Variants in SNX14 observed in about 807,000 individuals in gnomAD.
SNX14 encodes the protein sorting nexin-14.
Under a neutral mutation model 133.8 loss-of-function variants are expected in SNX14, and 93 were observed. The ratio of observed to expected loss-of-function variants is 0.70; its 90% CI spans 0.59 to 0.83. The LOEUF (loss-of-function observed/expected upper bound fraction) is 0.83. SNX14 is among the 40% of genes least tolerant of loss of function. SNX14 has a pLI of 0.00. For synonymous variants in SNX14, 368 were observed against 365.6 expected, an observed-to-expected ratio of 1.01 and a Z score of -0.07; for missense variants, 945 against 1,094.9, an observed-to-expected ratio of 0.86 and a Z score of 1.93.
intron 7 of SNX14, among the ~76,000 whole-genome samples, chr6:85,553,967 G>A (rs1263549868): frequency 6.6e-6 from 1 of 152,040 alleles, no homozygotes; most frequent in Non-Finnish European, 1.5e-5. Flanking sequence ...TAAAATCCAA[G>A]GTGATAAGAA....
chr6:85,593,249 G>A (rs1399679195), intron 1 of SNX14, among the ~76,000 whole-genome samples: 3 of 152,194 alleles, frequency 2.0e-5, no homozygotes, highest in African/African-American at 4.8e-5. Flanking sequence ...TGACTTGACT[G>A]CCTGTGTACA....
At chr6:85,548,784 T>G (rs1186775161) in intron 8 of SNX14, among the ~76,000 whole-genome samples, 1 of 151,786 alleles carries the variant, frequency 6.6e-6, no homozygotes, top group Non-Finnish European at 1.5e-5. Context: ...CTGGCCAACA[T>G]GATGAAACCC....
intron 6 of SNX14, among the ~76,000 whole-genome samples, chr6:85,563,068 CTG>C (rs1177742109): frequency 2.0e-5 from 3 of 152,024 alleles, no homozygotes; most frequent in African/African-American, 7.2e-5. Context: ...TATTTATTTG[CTG>C]TGAGACAACA....
chr6:85,588,224 A>G (rs999059477), intron 1 of SNX14, among the ~76,000 whole-genome samples: 1 of 152,290 alleles, frequency 6.6e-6, no homozygotes, highest in Non-Finnish European at 1.5e-5. Flanking sequence ...TGGAGGTTGC[A>G]GTGAGCCAAG....
chr6:85,540,805 C>T lies in SNX14; in HGVS notation c.1448+1180G>A, dbSNP rs142632922. 1.2e-3 allele frequency among the ~76,000 whole-genome samples: 188 copies of T among 152,186 alleles called. 1 individual carries two copies. The highest frequency in any genetic ancestry group is 2.3e-3 in the Non-Finnish European group (154 of 68,008). On this transcript the variant is annotated intron_variant, in intron 15 of 28. Coordinates refer to ENST00000314673, the MANE Select transcript of SNX14 (RefSeq NM_153816.6). ...AACATTGCCCCATTTCTTGACTTAT[C>T]TACTTTTCTCTTTGTAGTACATATC...
At chr6:85,525,855 C>T (rs1332899379) in intron 21 of SNX14, among the ~76,000 whole-genome samples, 1 of 152,066 alleles carries the variant, frequency 6.6e-6, no homozygotes, top group Non-Finnish European at 1.5e-5. Context: ...ACCATCTCTA[C>T]TTTTCTTATA....
rs138856005 is a variant in SNX14 at position 85,506,126 on chromosome 6, T to C, written c.2803-121A>G. The C allele has an allele frequency of 1.3e-3, 893 of 672,654 alleles. 12 individuals are homozygous for C. The East Asian group carries it at 0.022, about 16-fold the overall frequency. The allele number at this position is 672,654 out of a possible 1,614,324, so 41.7% of individuals were successfully genotyped here. A position where few individuals can be genotyped will look rare whatever the true frequency, so the allele number is the denominator to read the frequency against. On this transcript the variant is annotated intron_variant, in intron 28 of 28. Transcript: ENST00000314673. ...CATATATATTGTAAACCAAAATAAA[T>C]TGGCTGGCATATGGAGTGAGAAATA...
Position 85,543,224 on chromosome 6 carries a change from A to G in SNX14, c.1347T>C (p.Leu449=), listed in dbSNP as rs187123794. 5.6e-6 allele frequency: 9 copies of G among 1,601,420 alleles called. No individual in the cohort carries two copies. The African/African-American group carries it at 6.7e-5, about 12-fold the overall frequency. The change falls in exon 14 of 29, where the codon CTT becomes CTC. Residue 449 remains leucine (L), a synonymous_variant. Transcript: ENST00000314673. ...ACATAGGAGTAAATACATTCTCCAA[A>G]AGGGAAAGAACATGTTCATATGCTT... is the stretch of plus-strand genomic sequence containing the variant. ...LFEAYEHVLS[L]LENVFTPMFC... is the part of the protein sequence containing the mutation.
At position 85,549,712 on chromosome 6, in the gene SNX14, T is replaced by C; in HGVS notation, c.791+11A>G. The C allele has an allele frequency of 6.2e-7, 1 of 1,606,324 alleles. No individual in the cohort carries two copies. Among genetic ancestry groups the C allele is most frequent in the Non-Finnish European group, 8.5e-7 (1 of 1,177,656 alleles). ...ATGCAAATACTATTATATTGTCTAG[T>C]CTTTTTATACCTGCAGTCTGTTGCT... On this transcript the variant is annotated intron_variant, in intron 8 of 28. Transcript: ENST00000314673.
intron 6 of SNX14, among the ~76,000 whole-genome samples, chr6:85,564,277 G>A (rs1235117469): frequency 6.6e-6 from 1 of 152,190 alleles, no homozygotes; most frequent in Non-Finnish European, 1.5e-5. Flanking sequence ...AATCCTTTGG[G>A]TATATACCCA....
At position 85,543,386 on chromosome 6, in the gene SNX14, C is replaced by G. The variant is rs191900088; in HGVS notation, c.1265-80G>C. 6.6e-5 allele frequency: 83 copies of G among 1,253,360 alleles called. No homozygotes were observed. The Admixed American group carries it at 2.2e-3, about 33-fold the overall frequency. 77.6% of individuals were successfully genotyped at this position (1,253,360 alleles called of 1,614,324 possible). A position where few individuals can be genotyped will look rare whatever the true frequency, so the allele number is the denominator to read the frequency against. ...GTTCTAAAACGTTTTACTGAAACTC[C>G]ACTGAAACACACTAGATTGAGAAAT... On this transcript the variant is annotated intron_variant, in intron 13 of 28. Transcript: ENST00000314673.
chr6:85,570,037 C>G (rs1175574187), intron 4 of SNX14, among the ~76,000 whole-genome samples: 1 of 152,294 alleles, frequency 6.6e-6, no homozygotes, highest in Admixed American at 6.5e-5. Context: ...TGATTTCCCT[C>G]TCAATAGTTA....
chr6:85,517,669 C>A, intron 23 of SNX14, 87 bp downstream of exon 23: 1 of 1,425,872 alleles, frequency 7.0e-7, no homozygotes, highest in Non-Finnish European at 9.3e-7. Context: ...ATTTCATTAA[C>A]AAAGTATTCA....
At chr6:85,585,198 A>G (rs982723433) in intron 1 of SNX14, among the ~76,000 whole-genome samples, 2 of 152,114 alleles carry the variant, frequency 1.3e-5, no homozygotes, top group Non-Finnish European at 2.9e-5. Context: ...GAACACATAG[A>G]CACAGGGGAG....
chr6:85,545,333 G>A (rs1221559954), intron 12 of SNX14, among the ~76,000 whole-genome samples: 1 of 152,094 alleles, frequency 6.6e-6, no homozygotes, highest in African/African-American at 2.4e-5. Context: ...ACGTGTAAAT[G>A]TACTACAGAT....
rs1771053911 is a variant in SNX14 at position 85,507,305 on chromosome 6, A to G, written c.2746-16T>C. On this transcript the variant is annotated splice_polypyrimidine_tract_variant and intron_variant, in intron 27 of 28. Coordinates refer to ENST00000314673, the MANE Select transcript of SNX14 (RefSeq NM_153816.6). The stretch of plus-strand genomic sequence containing the variant: ...CATAAGTCAGCTAAAGCACCAAAAA[A>G]TAATAATAATAAATGTTAAGGCACT... 2 of 1,587,004 alleles carry G rather than the reference A, an allele frequency of 1.3e-6. No individual in the cohort carries two copies. The highest frequency in any genetic ancestry group is 1.7e-6 in the Non-Finnish European group (2 of 1,163,568).
intron 21 of SNX14, among the ~76,000 whole-genome samples, chr6:85,524,579 C>T (rs1270703660): frequency 1.3e-5 from 2 of 151,982 alleles, no homozygotes. Flanking sequence ...GTCAGGAGCT[C>T]AAGACCAGCC....
chr6:85,522,561 T>G (rs978066565), intron 21 of SNX14, among the ~76,000 whole-genome samples: 4 of 152,190 alleles, frequency 2.6e-5, no homozygotes, highest in African/African-American at 9.6e-5. Context: ...AATAAAAGTT[T>G]ACAATTTTCT....
intron 28 of SNX14, among the ~76,000 whole-genome samples, chr6:85,506,726 CA>C (rs778014679): frequency 4.6e-5 from 7 of 152,184 alleles, no homozygotes; most frequent in Non-Finnish European, 8.8e-5. Flanking sequence ...TTCATCCAAC[CA>C]AAAGGATTAG....
Sources: allele counts gnomAD v4.1 joint callset (sites outside exome capture counted in the v4.1 genomes callset), GRCh38; gene constraint gnomAD v4.1.1; transcripts MANE v1.5; gene names NCBI Gene and HGNC (gene_info 2026-07-23, HGNC 2026-07-21).